GPATCH2L: variants seen among roughly 807,000 people sequenced by gnomAD.
GPATCH2L encodes the protein G-patch domain containing 2 like.
GPATCH2L carries 31 observed loss-of-function variants against 57.4 expected under a neutral mutation model. The observed-to-expected ratio is 0.54, with a 90% confidence interval of 0.41 to 0.73. The LOEUF (loss-of-function observed/expected upper bound fraction) is 0.73, where lower values mean the gene tolerates loss of function less well. Among genes scored for constraint, GPATCH2L ranks in the 30% least tolerant of loss-of-function variants. The probability of loss-of-function intolerance (pLI) is 0.00; values close to 1 mark genes in which losing one functional copy is unlikely to be tolerated. For missense variants in GPATCH2L, 481 were observed against 599.9 expected (o/e 0.80, Z 2.07); for synonymous variants, 199 against 210.7 (o/e 0.94, Z 0.48).
intron 1 of GPATCH2L, chr14:76,152,953 A>AT (rs1316561719): frequency 2.3e-5 from 8 of 348,032 alleles, no homozygotes; most frequent in African/African-American, 4.4e-5. Context: ...TTTTTTTCCC[A>AT]TTTTTTCCCC....
chr14:76,158,768 C>T lies in GPATCH2L; in HGVS notation c.662+3743C>T, dbSNP rs184835355. ...TTGGTAGTATTGCATGTGAGATTCT[C>T]GAATAGCTAGCATAGTGTGCTTATG... On this transcript the variant is annotated intron_variant, in intron 2 of 9. Coordinates refer to ENST00000261530, the MANE Select transcript of GPATCH2L (RefSeq NM_017926.4). Among the ~76,000 whole-genome samples the T allele has an allele frequency of 1.8e-4, 27 of 152,226 alleles. No homozygotes were observed. The East Asian group carries it at 2.9e-3, about 16-fold the overall frequency.
At chr14:76,232,897 C>G (rs1595016573) in intron 2 of GPATCH2L, among the ~76,000 whole-genome samples, 1 of 152,216 alleles carries the variant, frequency 6.6e-6, no homozygotes, top group East Asian at 1.9e-4. Context: ...TCTTTAGTCT[C>G]CAGCCCCTCC....
rs1384112859 is a variant in GPATCH2L, at chr14:76,212,952, A to G, written c.*11101A>G. 6.6e-6 allele frequency: 1 copy of G among 152,166 alleles called. No homozygotes were observed. The highest frequency in any genetic ancestry group is 1.5e-5 in the Non-Finnish European group (1 of 68,018). 9.4% of individuals were successfully genotyped at this position (152,166 alleles called of 1,614,324 possible). A position where few individuals can be genotyped will look rare whatever the true frequency, so the allele number is the denominator to read the frequency against. ...ATGCAAAGTATTAAAAAAACATTTC[A>G]TATCTAAAATATAAACTTGTTCCTC... On this transcript the variant is annotated 3_prime_UTR_variant, in exon 10 of 10. Coordinates refer to ENST00000261530, the MANE Select transcript of GPATCH2L (RefSeq NM_017926.4).
In GPATCH2L at chr14:76,212,373, C is replaced by T. The variant is rs568344254; in HGVS notation, c.*10522C>T. 36 of 149,718 alleles carry T rather than the reference C, an allele frequency of 2.4e-4. No individual in the cohort carries two copies. Among genetic ancestry groups the T allele is most frequent in the African/African-American group, 7.9e-4 (32 of 40,674 alleles). 9.3% of individuals were successfully genotyped at this position (149,718 alleles called of 1,614,324 possible). On this transcript the variant is annotated 3_prime_UTR_variant, in exon 10 of 10. Transcript: ENST00000261530. ...AATGAGTTGTAGTCTGCATATCAGG[C>T]AAGGTTGAACTTAGGGAAAAGGAAC...
rs1033657725 is a variant in GPATCH2L, at chr14:76,204,396, A to G, written c.*2545A>G. On this transcript the variant is annotated 3_prime_UTR_variant, in exon 10 of 10. Transcript: ENST00000261530. The stretch of plus-strand genomic sequence containing the variant: ...ATATTAAGCACACAAATACTTTCCA[A>G]CACAGGGTTGTAAATTGTGCTCCTC... The G allele has an allele frequency of 7.2e-5, 11 of 152,222 alleles. No homozygotes were observed. Among genetic ancestry groups the G allele is most frequent in the Non-Finnish European group, 1.2e-4 (8 of 68,042 alleles). The allele number at this position is 152,222 out of a possible 1,614,324, so 9.4% of individuals were successfully genotyped here.
intron 8 of GPATCH2L, among the ~76,000 whole-genome samples, chr14:76,192,524 A>G (rs1490221906): frequency 6.6e-6 from 1 of 152,056 alleles, no homozygotes; most frequent in Non-Finnish European, 1.5e-5. Flanking sequence ...TTAAAAACGA[A>G]CATACCTTCT....
At chr14:76,153,058 G>C (rs978169197) in intron 1 of GPATCH2L, 3 of 288,382 alleles carry the variant, frequency 1.0e-5, no homozygotes, top group South Asian at 9.1e-5. Flanking sequence ...GAGAAGCTTC[G>C]TTTGTATGGT....
At chr14:76,230,897 C>G (rs563090775) in intron 2 of GPATCH2L, among the ~76,000 whole-genome samples, 9 of 152,170 alleles carry the variant, frequency 5.9e-5, no homozygotes, top group Non-Finnish European at 1.3e-4. Context: ...TTGACAGAAG[C>G]GACAAGTAAA....
intron 2 of GPATCH2L, among the ~76,000 whole-genome samples, chr14:76,165,435 T>A (rs2038787195): frequency 6.7e-6 from 1 of 148,570 alleles, no homozygotes; most frequent in Non-Finnish European, 1.5e-5. Context: ...GAGGTTATAG[T>A]GAGCCGAGAT....
In GPATCH2L at chr14:76,210,328, C is replaced by T. The variant is rs2040426593; in HGVS notation, c.*8477C>T. Reference sequence around the variant, plus strand: ...TTAAGTGTCAGTCAAGATTCAGATTCAAGTCTGATGTTAAAGAGTGTCTGT... The same window carrying T: ...TTAAGTGTCAGTCAAGATTCAGATTTAAGTCTGATGTTAAAGAGTGTCTGT... On this transcript the variant is annotated 3_prime_UTR_variant, in exon 10 of 10. Coordinates refer to ENST00000261530, the MANE Select transcript of GPATCH2L (RefSeq NM_017926.4). The T allele has an allele frequency of 1.3e-5, 2 of 152,332 alleles. No individual in the cohort carries two copies. The highest frequency in any genetic ancestry group is 4.8e-5 in the African/African-American group (2 of 41,570). The allele number at this position is 152,332 out of a possible 1,614,324, so 9.4% of individuals were successfully genotyped here.
At position 76,171,994 on chromosome 14, in the gene GPATCH2L, T is replaced by G; in HGVS notation, c.879T>G (p.Leu293=). 1 of 1,611,404 alleles carries G rather than the reference T, an allele frequency of 6.2e-7. No individual in the cohort carries two copies. The highest frequency in any genetic ancestry group is 8.5e-7 in the Non-Finnish European group (1 of 1,178,818). ...GLDKFSDSTF[L]LPSRPAQRGY... Reference sequence around the variant, plus strand: ...ATAAATTTTCAGATTCCACATTCCTTTTACCTTCTCGGCCAGCTCAAAGAG... The same window carrying G: ...ATAAATTTTCAGATTCCACATTCCTGTTACCTTCTCGGCCAGCTCAAAGAG... Residue 293 remains leucine, a synonymous_variant, in exon 4 of 10, where the codon CTT becomes CTG. Transcript: ENST00000261530.
rs935993782 is a variant in GPATCH2L at position 76,204,636 on chromosome 14, A to G, written c.*2785A>G. 5.3e-5 allele frequency: 8 copies of G among 152,230 alleles called. No homozygotes were observed. The highest frequency in any genetic ancestry group is 1.7e-4 in the African/African-American group (7 of 41,454). The allele number at this position is 152,230 out of a possible 1,614,324, so 9.4% of individuals were successfully genotyped here. A position where few individuals can be genotyped will look rare whatever the true frequency, so the allele number is the denominator to read the frequency against. ...GTAGTTTCAAAAATGAGGTTTTGTA[A>G]TCAGTGTTGAAAAAACTCTGAACTA... On this transcript the variant is annotated 3_prime_UTR_variant, in exon 10 of 10. Transcript: ENST00000261530.
At chr14:76,199,454 A>G (rs186675346) in intron 9 of GPATCH2L, among the ~76,000 whole-genome samples, 26 of 152,260 alleles carry the variant, frequency 1.7e-4, no homozygotes, top group Admixed American at 3.3e-4. Flanking sequence ...GCCAAAATCT[A>G]TGTTTCAACT....
Position 76,195,936 on chromosome 14 carries a change from C to T in GPATCH2L, c.1252C>T (p.Pro418Ser). ...ACGTGACATCAAGAGGAAGCGGAAA[C>T]CAGTGGCCACAGCATCTTTGTCTAG... Reference protein sequence around the residue: ...CSRDIKRKRKPVATASLSSPS... With the variant: ...CSRDIKRKRKSVATASLSSPS... Residue 418 changes from proline to serine, a missense_variant, in exon 9 of 10, where the codon CCA becomes TCA. Pro to Ser is a moderately conservative substitution (Grantham distance 74). This residue lies in a region of GPATCH2L where 248 missense variants were observed against 270.5 expected (regional missense o/e 0.92). Transcript: ENST00000261530. 6.2e-7 allele frequency: 1 copy of T among 1,613,662 alleles called. No homozygotes were observed. The highest frequency in any genetic ancestry group is 1.1e-5 in the South Asian group (1 of 91,082).
chr14:76,226,480 A>T (rs992305597), intron 1 of GPATCH2L, among the ~76,000 whole-genome samples: 8 of 152,120 alleles, frequency 5.3e-5, no homozygotes, highest in Admixed American at 5.2e-4. Flanking sequence ...GCCTGTGGAA[A>T]CTGTGGTCAT....
At chr14:76,216,088 A>G (rs1216111444), downstream of GPATCH2L, among the ~76,000 whole-genome samples, 1 of 152,052 alleles carries the variant, frequency 6.6e-6, no homozygotes, top group Non-Finnish European at 1.5e-5. Context: ...TCAAGGCAGG[A>G]AGTTTAATCT....
downstream of GPATCH2L, among the ~76,000 whole-genome samples, chr14:76,218,485 A>C (rs190076753): frequency 6.6e-6 from 1 of 152,246 alleles, no homozygotes; most frequent in East Asian, 1.9e-4. Flanking sequence ...TATTATTTGT[A>C]GAAAATGTTA....
chr14:76,155,903 C>T (rs546628816), intron 2 of GPATCH2L, among the ~76,000 whole-genome samples: 1 of 152,234 alleles, frequency 6.6e-6, no homozygotes, highest in Admixed American at 6.5e-5. Context: ...CCAAAGGCCT[C>T]CAGGGGTGAT....
chr14:76,235,253 G>T (rs1387439980), intron 2 of GPATCH2L, among the ~76,000 whole-genome samples: 1 of 152,098 alleles, frequency 6.6e-6, no homozygotes, highest in Non-Finnish European at 1.5e-5. Context: ...ATATGGTTTG[G>T]CTGTGTCCCC....
Sources: gnomAD v4.1 joint callset for allele counts (sites outside exome capture counted in the v4.1 genomes callset) on GRCh38, gnomAD v4.1.1 for gene constraint, gnomAD v4.1.1 regional missense constraint, MANE v1.5 for transcripts, NCBI Gene and HGNC (gene_info 2026-07-23, HGNC 2026-07-21) for gene names.